The following LRRTM3 variants were observed in gnomAD, a reference collection of about 807,000 sequenced individuals.
The protein encoded by LRRTM3 is leucine-rich repeat transmembrane neuronal protein 3.
LRRTM3 carries 24 observed loss-of-function variants against 44.7 expected under a neutral mutation model. The ratio of observed to expected loss-of-function variants is 0.54; its 90% confidence interval spans 0.39 to 0.76. The LOEUF (loss-of-function observed/expected upper bound fraction) is 0.76, where lower values mean the gene tolerates loss of function less well. LRRTM3 is among the 30% of genes least tolerant of loss of function. The pLI, the probability that LRRTM3 is intolerant of heterozygous loss-of-function variation, is 0.00. For synonymous variants in LRRTM3, 277 were observed against 278.7 expected, an observed-to-expected ratio of 0.99 and a Z score of 0.06; for missense variants, 587 against 702.2, an observed-to-expected ratio of 0.84 and a Z score of 1.85.
chr10:67,019,769 C>T (rs1293556384), intron 2 of LRRTM3, among the ~76,000 whole-genome samples: 1 of 152,088 alleles, frequency 6.6e-6, no homozygotes, highest in African/African-American at 2.4e-5. Flanking sequence ...ACCATCTACC[C>T]TGTTTGTCCT....
intron 2 of LRRTM3, among the ~76,000 whole-genome samples, chr10:67,042,011 C>T (rs1265782951): frequency 2.6e-5 from 4 of 151,908 alleles, no homozygotes; most frequent in African/African-American, 4.8e-5. Flanking sequence ...CCTTAAAGTA[C>T]GTGTGAAGGG....
intron 2 of LRRTM3, among the ~76,000 whole-genome samples, chr10:67,086,475 A>G (rs918002973): frequency 7.9e-5 from 12 of 152,052 alleles, no homozygotes; most frequent in Admixed American, 7.9e-4. Flanking sequence ...TTTGGATGTC[A>G]GCTGCTTGGG....
At chr10:67,045,087 A>G (rs529410501) in intron 2 of LRRTM3, among the ~76,000 whole-genome samples, 7 of 152,342 alleles carry the variant, frequency 4.6e-5, no homozygotes, top group Middle Eastern at 3.4e-3. Context: ...AAATAAATAC[A>G]TATTAAAGAC....
At chr10:67,066,195 CTTTTTTT>C (rs71006118) in intron 2 of LRRTM3, among the ~76,000 whole-genome samples, 1 of 123,076 alleles carries the variant, frequency 8.1e-6, no homozygotes, top group Non-Finnish European at 1.6e-5. Flanking sequence ...AAGTCACTGG[CTTTTTTT>C]TTTTTTTTTT....
At chr10:67,084,406 T>C (rs1349255105) in intron 2 of LRRTM3, among the ~76,000 whole-genome samples, 1 of 152,100 alleles carries the variant, frequency 6.6e-6, no homozygotes, top group South Asian at 2.1e-4. Context: ...CACAACATCA[T>C]GAATACATTT....
chr10:66,989,661 C>T lies in LRRTM3; in HGVS notation c.1536+61209C>T, dbSNP rs530060185. ...ATATATGAGTGAATAGCTTACCTAACGTAACAGTCTTTACATAATAAGACT... is the reference window on the plus strand; with the variant it reads ...ATATATGAGTGAATAGCTTACCTAATGTAACAGTCTTTACATAATAAGACT... On this transcript the variant is annotated intron_variant, in intron 2 of 2. Transcript: ENST00000361320. Among the ~76,000 whole-genome samples, 236 of 152,170 alleles carry T rather than the reference C, an allele frequency of 1.6e-3. 1 individual carries two copies. Among genetic ancestry groups the T allele is most frequent in the African/African-American group, 5.2e-3 (217 of 41,540 alleles).
intron 2 of LRRTM3, among the ~76,000 whole-genome samples, chr10:67,051,639 C>T (rs914913607): frequency 6.6e-6 from 1 of 152,014 alleles, no homozygotes; most frequent in Non-Finnish European, 1.5e-5. Context: ...CTTTTGACCT[C>T]ATGATCTGTC....
intron 2 of LRRTM3, among the ~76,000 whole-genome samples, chr10:67,077,343 C>T (rs569323128): frequency 9.9e-5 from 15 of 152,264 alleles, no homozygotes; most frequent in Admixed American, 8.5e-4. Flanking sequence ...AAGTCTAAAT[C>T]CTTCAAAATC....
chr10:67,086,448 T>G (rs1215763480), intron 2 of LRRTM3, among the ~76,000 whole-genome samples: 3 of 152,026 alleles, frequency 2.0e-5, no homozygotes, highest in Non-Finnish European at 4.4e-5. Context: ...TAAGTAATCA[T>G]ATCATTTGAA....
intron 2 of LRRTM3, among the ~76,000 whole-genome samples, chr10:67,064,989 A>G (rs1311844922): frequency 6.6e-5 from 10 of 152,172 alleles, no homozygotes; most frequent in African/African-American, 2.4e-4. Flanking sequence ...TAAAAGAGCC[A>G]TATAATTTCC....
At chr10:66,960,242 TA>T (rs1849042100) in intron 2 of LRRTM3, among the ~76,000 whole-genome samples, 1 of 152,176 alleles carries the variant, frequency 6.6e-6, no homozygotes, top group African/African-American at 2.4e-5. Context: ...AGTTCATTTT[TA>T]GTTTAATTAC....
At chr10:67,069,544 T>G (rs2764806) in intron 2 of LRRTM3, among the ~76,000 whole-genome samples, 73,153 of 145,366 alleles carry the variant, frequency 0.5, 19,027 homozygotes, top group Middle Eastern at 0.63. Context: ...TATTACAAGG[T>G]GTACAGCAGC....
chr10:66,983,419 G>A (rs1850558175), intron 2 of LRRTM3, among the ~76,000 whole-genome samples: 1 of 152,106 alleles, frequency 6.6e-6, no homozygotes, highest in South Asian at 2.1e-4. Flanking sequence ...GGGTGCCCAG[G>A]CATCCCCAGA....
intron 2 of LRRTM3, among the ~76,000 whole-genome samples, chr10:66,957,403 TATATATATATGCATATATATATATGC>T (rs1848860292): frequency 3.0e-5 from 1 of 33,822 alleles, no homozygotes; most frequent in Non-Finnish European, 5.3e-5. Context: ...CATATATATA[TATATATATATGCATATATATATATGC>T]ATATATATAT....
intron 2 of LRRTM3, among the ~76,000 whole-genome samples, chr10:67,068,499 TAGTG>T (rs1244521031): frequency 1.3e-5 from 2 of 152,104 alleles, no homozygotes; most frequent in Admixed American, 1.3e-4. Context: ...AACAGGTGAA[TAGTG>T]AGTGAGGTCT....
chr10:66,978,543 A>AAATAAAAATAAAAAAAAT (rs1850206589), intron 2 of LRRTM3, among the ~76,000 whole-genome samples: 1 of 113,024 alleles, frequency 8.8e-6, no homozygotes, highest in African/African-American at 3.2e-5. Context: ...AAAAAAAAAA[A>AAATAAAAATAAAAAAAAT]AAAAAAAAAA....
intron 2 of LRRTM3, among the ~76,000 whole-genome samples, chr10:66,999,126 TA>T (rs1294617440): frequency 6.6e-6 from 1 of 152,124 alleles, no homozygotes; most frequent in Non-Finnish European, 1.5e-5. Context: ...ATTTCAAAAT[TA>T]AAGATATTTG....
intron 2 of LRRTM3, among the ~76,000 whole-genome samples, chr10:66,991,152 C>A (rs1225120658): frequency 6.6e-6 from 1 of 152,160 alleles, no homozygotes; most frequent in East Asian, 1.9e-4. Context: ...ATGAGCAGCA[C>A]TTTGGAGTTT....
intron 2 of LRRTM3, among the ~76,000 whole-genome samples, chr10:67,062,931 C>A (rs1158791322): frequency 6.6e-6 from 1 of 152,110 alleles, no homozygotes; most frequent in East Asian, 1.9e-4. Flanking sequence ...CAATTTCCTG[C>A]AGTTTTTTTA....
Sources: gnomAD v4.1 joint callset for allele counts (sites outside exome capture counted in the v4.1 genomes callset) on GRCh38, gnomAD v4.1.1 for gene constraint, MANE v1.5 for transcripts, NCBI Gene and HGNC (gene_info 2026-07-23, HGNC 2026-07-21) for gene names.